The following CLTA variants were observed in gnomAD, a reference collection of about 807,000 sequenced individuals.
CLTA encodes clathrin light chain A.
In CLTA, 9 loss-of-function variants were observed where a neutral mutation model predicts 26.9. The observed-to-expected ratio is 0.33, with a 90% confidence interval of 0.20 to 0.58. The LOEUF (loss-of-function observed/expected upper bound fraction) is 0.58. CLTA is among the 20% of genes least tolerant of loss of function. The pLI is 0.85. For missense variants in CLTA, 278 were observed against 294.2 expected (o/e 0.94, Z 0.40); for synonymous variants, 120 against 115.5 (o/e 1.04, Z -0.25).
At chr9:36,198,833 A>T in intron 2 of CLTA, 146 bp from the exon 3 acceptor site, 1 of 543,330 alleles carries the variant, frequency 1.8e-6, no homozygotes, top group Non-Finnish European at 3.3e-6. Context: ...AGATCGTGCC[A>T]CTGCACTCCA....
chr9:36,208,526 C>A (rs554577754), intron 4 of CLTA, among the ~76,000 whole-genome samples: 112 of 152,318 alleles, frequency 7.4e-4, no homozygotes, highest in African/African-American at 2.6e-3. Flanking sequence ...GTTCTTCCCA[C>A]CAGACCACTC....
intron 4 of CLTA, among the ~76,000 whole-genome samples, chr9:36,209,682 A>G (rs775522029): frequency 4.6e-5 from 7 of 152,200 alleles, no homozygotes; most frequent in Non-Finnish European, 1.0e-4. Flanking sequence ...TGCCTGCCTC[A>G]GGTGGGAAGG....
At chr9:36,210,639 A>C in intron 4 of CLTA, 1 of 1,614,112 alleles carries the variant, frequency 6.2e-7, no homozygotes, top group Non-Finnish European at 8.5e-7. Context: ...AACATAAACC[A>C]TCCTTGCTAC....
At chr9:36,199,127 G>C (rs1364619431) in intron 3 of CLTA, 31 bp downstream of exon 3, 2 of 1,378,746 alleles carry the variant, frequency 1.5e-6, no homozygotes, top group South Asian at 1.2e-5. Flanking sequence ...TTTGGTGTCT[G>C]TTTTCAGTGG....
chr9:36,209,615 G>A (rs1380606093), intron 4 of CLTA, among the ~76,000 whole-genome samples: 3 of 152,062 alleles, frequency 2.0e-5, no homozygotes, highest in South Asian at 2.1e-4. Context: ...TTTGAGGCTC[G>A]GGGGAACTCT....
chr9:36,199,084 T>C lies in CLTA; in HGVS notation c.361T>C (p.Leu121=), dbSNP rs756329577. 1 of 1,609,114 alleles carries C rather than the reference T, an allele frequency of 6.2e-7. No individual in the cohort carries two copies. Among genetic ancestry groups the C allele is most frequent in the Non-Finnish European group, 8.5e-7 (1 of 1,175,478 alleles). The change falls in exon 3 of 5, where the codon TTG becomes CTG. Residue 121 remains leucine (L), a synonymous_variant. Coordinates refer to ENST00000345519, the MANE Select transcript of CLTA (RefSeq NM_001833.4). ...RKWREEQMER[L]EALDANSRKQ... ...ATGGAGAGAAGAACAAATGGAACGCTTGGAAGCCCTTGGTAAGGAATCCCT... is the reference window on the plus strand; with the variant it reads ...ATGGAGAGAAGAACAAATGGAACGCCTGGAAGCCCTTGGTAAGGAATCCCT...
At chr9:36,193,184 A>G (rs573986106) in intron 1 of CLTA, among the ~76,000 whole-genome samples, 1 of 152,208 alleles carries the variant, frequency 6.6e-6, no homozygotes, top group East Asian at 1.9e-4. Flanking sequence ...TTCTTAGTGA[A>G]CTAAGCATTT....
chr9:36,202,071 A>G (rs1827447011), intron 3 of CLTA, among the ~76,000 whole-genome samples: 1 of 152,178 alleles, frequency 6.6e-6, no homozygotes, highest in South Asian at 2.1e-4. Context: ...TGATAGAACT[A>G]CTGCAGTACA....
In CLTA at chr9:36,198,973, G is replaced by A. The variant is rs79205619; in HGVS notation, c.256-6G>A. 8,776 of 1,600,302 alleles carry A rather than the reference G, an allele frequency of 5.5e-3. 444 individuals are homozygous for A. The African/African-American group carries it at 0.1, about 19-fold the overall frequency. Reference sequence around the variant, plus strand: ...TTAATATAGCACAATTGTGTTTTGTGTTAAGGAAAGTAATGGTCCAACAGA... The same window carrying A: ...TTAATATAGCACAATTGTGTTTTGTATTAAGGAAAGTAATGGTCCAACAGA... On this transcript the variant is annotated splice_region_variant and splice_polypyrimidine_tract_variant and intron_variant, in intron 2 of 4. Transcript: ENST00000345519.
At chr9:36,204,808 A>C (rs916056715) in intron 4 of CLTA, among the ~76,000 whole-genome samples, 1 of 152,242 alleles carries the variant, frequency 6.6e-6, no homozygotes, top group Non-Finnish European at 1.5e-5. Flanking sequence ...ACTACTCACC[A>C]GCAGCTGGGC....
At position 36,190,973 on chromosome 9, in the gene CLTA, A is replaced by G. The variant is rs1826656489; in HGVS notation, c.-84A>G. ...TTGTCCTCCTCTCCCAGTCGGCACCACAGCGGTGGCTGCCGGGCGTGGTGT... is the reference window on the plus strand; with the variant it reads ...TTGTCCTCCTCTCCCAGTCGGCACCGCAGCGGTGGCTGCCGGGCGTGGTGT... On this transcript the variant is annotated 5_prime_UTR_variant, in exon 1 of 5. Transcript: ENST00000345519. The G allele has an allele frequency of 2.1e-6, 3 of 1,456,598 alleles. No homozygotes were observed. Among genetic ancestry groups the G allele is most frequent in the Admixed American group, 2.7e-5 (1 of 37,268 alleles). 90.2% of individuals were successfully genotyped at this position (1,456,598 alleles called of 1,614,324 possible).
intron 1 of CLTA, among the ~76,000 whole-genome samples, chr9:36,191,834 G>A (rs945241657): frequency 2.6e-5 from 4 of 152,244 alleles, no homozygotes. Flanking sequence ...TCTGGAGAAA[G>A]AACTGCCAAG....
chr9:36,199,037 C>A lies in CLTA; in HGVS notation c.314C>A (p.Ser105Ter). ...ATTTCACAAGTGGATCGATTGCAGTCAGAGCCTGAAAGTATCCGTAAATGG... is the reference window on the plus strand; with the variant it reads ...ATTTCACAAGTGGATCGATTGCAGTAAGAGCCTGAAAGTATCCGTAAATGG... The part of the protein sequence containing the change: ...AAISQVDRLQ[S>*]EPESIRKWRE... Residue 105 changes from serine to a stop codon, truncating the protein, a stop_gained, in exon 3 of 5, where the codon TCA (serine) becomes TAA (stop). Transcript: ENST00000345519. LOFTEE classifies it high-confidence loss of function. 1 of 1,614,050 alleles carries A rather than the reference C, an allele frequency of 6.2e-7. No individual in the cohort carries two copies. Among genetic ancestry groups the A allele is most frequent in the South Asian group, 1.1e-5 (1 of 91,062 alleles).
chr9:36,196,049 G>A (rs2132866570), intron 1 of CLTA, among the ~76,000 whole-genome samples: 1 of 152,266 alleles, frequency 6.6e-6, no homozygotes, highest in East Asian at 1.9e-4. Context: ...GCTGAGGTGG[G>A]TGGATCGTCT....
At chr9:36,195,118 A>T (rs971812140) in intron 1 of CLTA, among the ~76,000 whole-genome samples, 1 of 152,224 alleles carries the variant, frequency 6.6e-6, no homozygotes, top group Non-Finnish European at 1.5e-5. Context: ...AGGATCTAGG[A>T]TTTAAAACTA....
At chr9:36,194,341 G>C (rs980955951) in intron 1 of CLTA, among the ~76,000 whole-genome samples, 1 of 152,210 alleles carries the variant, frequency 6.6e-6, no homozygotes, top group African/African-American at 2.4e-5. Flanking sequence ...GTTATTTCTT[G>C]TAGGAGAAGA....
intron 1 of CLTA, among the ~76,000 whole-genome samples, chr9:36,196,322 C>T (rs374046846): frequency 6.7e-6 from 1 of 149,612 alleles, no homozygotes; most frequent in East Asian, 2.0e-4. Flanking sequence ...CCAGCAATTC[C>T]TTTTTTTTCT....
chr9:36,208,629 G>A (rs3780354), intron 4 of CLTA, among the ~76,000 whole-genome samples: 16,879 of 152,188 alleles, frequency 0.11, 1,051 homozygotes, highest in East Asian at 0.17. Flanking sequence ...AGACAGTGTG[G>A]GGAAGCAGTA....
chr9:36,209,170 G>A, intron 4 of CLTA: 1 of 1,465,150 alleles, frequency 6.8e-7, no homozygotes, highest in Non-Finnish European at 9.5e-7. Context: ...TCAGAGCACA[G>A]TTGTACCTCA....
Sources: gnomAD v4.1 joint callset for allele counts (sites outside exome capture counted in the v4.1 genomes callset) on GRCh38, gnomAD v4.1.1 for gene constraint, MANE v1.5 for transcripts, NCBI Gene and HGNC (gene_info 2026-07-23, HGNC 2026-07-21) for gene names.